The following WNK2 variants were observed in gnomAD, a reference collection of about 807,000 sequenced individuals.
The protein encoded by WNK2 is WNK lysine deficient protein kinase 2.
In WNK2, 67 loss-of-function variants were observed where a neutral mutation model predicts 192.1. The ratio of observed to expected loss-of-function variants is 0.35; its 90% CI spans 0.29 to 0.43. WNK2 has a LOEUF of 0.43. Among genes scored for constraint, WNK2 ranks in the 20% least tolerant of loss-of-function variants. The pLI, the probability that WNK2 is intolerant of heterozygous loss-of-function variation, is 1.00. For synonymous variants in WNK2, 1,439 were observed against 1,393.9 expected (o/e 1.03, Z -0.72); for missense variants, 2,698 against 3,089.7 (o/e 0.87, Z 3.01).
At position 93,289,504 on chromosome 9, in the gene WNK2, A is replaced by G; in HGVS notation, c.4750A>G (p.Thr1584Ala). 1 of 1,605,154 alleles carries G rather than the reference A, an allele frequency of 6.2e-7. No homozygotes were observed. Among genetic ancestry groups the G allele is most frequent in the Non-Finnish European group, 8.5e-7 (1 of 1,174,460 alleles). ...TGTGGAGGTGGGCGACAGAGACTTCACCCTGGAGCCCCTGAGAGGGGACCA... is the reference window on the plus strand; with the variant it reads ...TGTGGAGGTGGGCGACAGAGACTTCGCCCTGGAGCCCCTGAGAGGGGACCA... Reference protein sequence around the residue: ...TPVEVGDRDFTLEPLRGDQPR... With the variant: ...TPVEVGDRDFALEPLRGDQPR... The change falls in exon 20 of 30, where the codon ACC becomes GCC. Residue 1584 changes from threonine to alanine, a missense_variant. By Grantham distance (58) the Thr-to-Ala change is moderately conservative. Around this residue, in one of 7 missense-constraint regions of WNK2, gnomAD observed 1,098 missense variants for 1,101.0 expected, o/e 1.00. Coordinates refer to ENST00000427277, the MANE Select transcript of WNK2 (RefSeq NM_006648.4).
At chr9:93,261,582 G>C (rs1844257507) in intron 12 of WNK2, among the ~76,000 whole-genome samples, 1 of 152,220 alleles carries the variant, frequency 6.6e-6, no homozygotes, top group Non-Finnish European at 1.5e-5. Flanking sequence ...CCTGGCCTTT[G>C]CACACAAGTA....
chr9:93,212,526 G>A (rs999787156), intron 2 of WNK2, among the ~76,000 whole-genome samples: 1 of 152,160 alleles, frequency 6.6e-6, no homozygotes, highest in African/African-American at 2.4e-5. Context: ...CCCTCCCTAT[G>A]GCCCCCAGAG....
chr9:93,293,662 T>C (rs12683662), intron 23 of WNK2, among the ~76,000 whole-genome samples: 139,012 of 152,068 alleles, frequency 0.91, 63,947 homozygotes, highest in East Asian at 1. Flanking sequence ...CAGAGTCCTC[T>C]GGGCTGGGCC....
At chr9:93,256,833 AGCATGT>A in intron 10 of WNK2, 109 bp from the exon 11 acceptor site, 2 of 944,814 alleles carry the variant, frequency 2.1e-6, no homozygotes, top group Admixed American at 2.7e-5. Flanking sequence ...TGTGAATGTG[AGCATGT>A]GCGTGTGCAT....
chr9:93,206,862 GCAGCAGCTGGGGTTA>G (rs1235665985), intron 2 of WNK2, among the ~76,000 whole-genome samples: 1 of 152,182 alleles, frequency 6.6e-6, no homozygotes, highest in Non-Finnish European at 1.5e-5. Flanking sequence ...GGCTGGATGT[GCAGCAGCTGGGGTTA>G]CTGAGGGCTG....
chr9:93,199,270 G>T (rs1464050255), intron 2 of WNK2, among the ~76,000 whole-genome samples: 1 of 152,204 alleles, frequency 6.6e-6, no homozygotes, highest in Admixed American at 6.5e-5. Flanking sequence ...CGAGATGCTT[G>T]CCCCTGATTT....
At chr9:93,256,509 C>T in intron 10 of WNK2, 55 bp downstream of exon 10, 1 of 1,457,578 alleles carries the variant, frequency 6.9e-7, no homozygotes, top group Non-Finnish European at 9.1e-7. Flanking sequence ...GTCACCTGTG[C>T]TGGCCCCTGG....
intron 2 of WNK2, among the ~76,000 whole-genome samples, chr9:93,189,337 T>C (rs1829906422): frequency 6.6e-6 from 1 of 152,218 alleles, no homozygotes; most frequent in Admixed American, 6.5e-5. Flanking sequence ...GGGGTCTTTC[T>C]ACTTCATAGA....
At chr9:93,201,517 G>T (rs899465970) in intron 2 of WNK2, among the ~76,000 whole-genome samples, 2 of 152,250 alleles carry the variant, frequency 1.3e-5, no homozygotes, top group Non-Finnish European at 2.9e-5. Context: ...GGGCTGGGGT[G>T]TCAGCCTGGC....
intron 19 of WNK2, among the ~76,000 whole-genome samples, chr9:93,270,089 T>C (rs937497298): frequency 2.6e-5 from 4 of 152,166 alleles, no homozygotes; most frequent in Non-Finnish European, 2.9e-5. Context: ...AGCAGCTTCA[T>C]CAGGCTAGAG....
intron 2 of WNK2, among the ~76,000 whole-genome samples, chr9:93,222,929 G>A (rs182797910): frequency 0.011 from 1,706 of 152,284 alleles, 18 homozygotes; most frequent in Middle Eastern, 0.027. Context: ...TGATCTGCCC[G>A]CGTCGGCCTT....
chr9:93,303,214 C>T (rs1041353738), intron 26 of WNK2, among the ~76,000 whole-genome samples: 1 of 152,226 alleles, frequency 6.6e-6, no homozygotes, highest in African/African-American at 2.4e-5. Flanking sequence ...GCCACCACAC[C>T]TGGCCCAGTG....
Position 93,184,967 on chromosome 9 carries a change from C to T in WNK2, c.38C>T (p.Thr13Met), listed in dbSNP as rs1369815144. Residue 13 changes from threonine (T) to methionine (M), a missense_variant, in exon 2 of 30, where the codon ACG (threonine) becomes ATG (methionine). By Grantham distance (81) the Thr-to-Met change is moderately conservative (BLOSUM62 -1). Coordinates refer to ENST00000427277, the MANE Select transcript of WNK2 (RefSeq NM_006648.4). ...GGCGGCCGCCGAGACGTCCCCGGCA[C>T]GCTGATGGAGCCCGGGCGCGGCGCG... The part of the protein sequence containing the change: ...GDGGRRDVPG[T>M]LMEPGRGAGP... 3 of 1,236,642 alleles carry T rather than the reference C, an allele frequency of 2.4e-6. No individual in the cohort carries two copies. Among genetic ancestry groups the T allele is most frequent in the African/African-American group, 1.6e-5 (1 of 63,866 alleles). 76.6% of individuals were successfully genotyped at this position (1,236,642 alleles called of 1,614,324 possible).
chr9:93,316,295 G>C (rs1854650743), intron 28 of WNK2: 1 of 152,172 alleles, frequency 6.6e-6, no homozygotes, highest in Admixed American at 6.5e-5. Context: ...TATGTTTTAG[G>C]AACAGCCTGT....
chr9:93,291,863 G>A (rs1347342957), intron 21 of WNK2, among the ~76,000 whole-genome samples: 3 of 152,312 alleles, frequency 2.0e-5, no homozygotes, highest in East Asian at 3.9e-4. Context: ...GGAGAGCACC[G>A]GAATAGCTGC....
At chr9:93,186,809 C>A (rs1256849488) in intron 2 of WNK2, among the ~76,000 whole-genome samples, 1 of 152,194 alleles carries the variant, frequency 6.6e-6, no homozygotes, top group African/African-American at 2.4e-5. Flanking sequence ...TCTCCACCAC[C>A]CCTTGGTTCT....
intron 23 of WNK2, 30 bp downstream of exon 23, chr9:93,293,203 C>G (rs1424683584): frequency 7.0e-7 from 1 of 1,422,390 alleles, no homozygotes; most frequent in East Asian, 2.7e-5. Flanking sequence ...AGTGTTGCCC[C>G]CGCCCCTGGG....
Position 93,289,479 on chromosome 9 carries a change from T to C in WNK2, c.4725T>C (p.Pro1575=). The C allele has an allele frequency of 6.2e-7, 1 of 1,611,336 alleles. No individual in the cohort carries two copies. The highest frequency in any genetic ancestry group is 8.5e-7 in the Non-Finnish European group (1 of 1,178,644). The change falls in exon 20 of 30, where the codon CCT becomes CCC. Residue 1575 remains proline (P), a synonymous_variant. Coordinates refer to ENST00000427277, the MANE Select transcript of WNK2 (RefSeq NM_006648.4). ...VPTSSASAGT[P]VEVGDRDFTL... ...CCTCCTCAGCCTCAGCTGGGACCCC[T>C]GTGGAGGTGGGCGACAGAGACTTCA...
intron 2 of WNK2, among the ~76,000 whole-genome samples, chr9:93,215,538 T>C (rs1031845781): frequency 2.6e-5 from 4 of 152,246 alleles, no homozygotes; most frequent in Non-Finnish European, 2.9e-5. Flanking sequence ...TATGCATTTG[T>C]CCATGTTTCA....
Sources: gnomAD v4.1 joint callset for allele counts (sites outside exome capture counted in the v4.1 genomes callset) on GRCh38, gnomAD v4.1.1 for gene constraint, gnomAD v4.1.1 regional missense constraint, MANE v1.5 for transcripts, NCBI Gene and HGNC (gene_info 2026-07-23, HGNC 2026-07-21) for gene names.